Variants in DEPDC1B observed in about 807,000 individuals in gnomAD.
DEPDC1B encodes DEP domain-containing protein 1B.
In DEPDC1B, 51 loss-of-function variants were observed where a neutral mutation model predicts 66.5. That is an observed-to-expected ratio of 0.77 (90% CI 0.61 to 0.97). The LOEUF (loss-of-function observed/expected upper bound fraction) is 0.97. Ranked by LOEUF, DEPDC1B falls within the 50% of genes least tolerant of loss-of-function variation. DEPDC1B has a pLI of 0.00. For synonymous variants in DEPDC1B, 226 were observed against 223.6 expected (o/e 1.01, Z -0.10); for missense variants, 552 against 637.1 (o/e 0.87, Z 1.44).
At chr5:60,672,255 C>T (rs1026141180) in intron 2 of DEPDC1B, among the ~76,000 whole-genome samples, 24 of 152,212 alleles carry the variant, frequency 1.6e-4, no homozygotes, top group African/African-American at 5.5e-4. Flanking sequence ...GCGCAAGTTA[C>T]AGTAGACTTG....
At chr5:60,599,958 C>A (rs187710314) in intron 9 of DEPDC1B, among the ~76,000 whole-genome samples, 1 of 152,102 alleles carries the variant, frequency 6.6e-6, no homozygotes, top group African/African-American at 2.4e-5. Context: ...TCCTCTAGGG[C>A]CACTGGGTTA....
At chr5:60,643,256 C>G (rs1483640755) in intron 5 of DEPDC1B, among the ~76,000 whole-genome samples, 1 of 152,154 alleles carries the variant, frequency 6.6e-6, no homozygotes, top group African/African-American at 2.4e-5. Context: ...CAAACACCAC[C>G]AGCCCCTCAA....
intron 2 of DEPDC1B, among the ~76,000 whole-genome samples, chr5:60,669,246 C>A (rs531587923): frequency 8.1e-4 from 124 of 152,186 alleles, no homozygotes; most frequent in African/African-American, 3.0e-3. Context: ...AGTTATAAAT[C>A]TTAATAAACT....
intron 5 of DEPDC1B, among the ~76,000 whole-genome samples, chr5:60,643,095 C>A (rs957262397): frequency 9.9e-5 from 15 of 151,948 alleles, no homozygotes; most frequent in African/African-American, 3.4e-4. Flanking sequence ...CACAATGCAC[C>A]TTTTTAAAGC....
At chr5:60,654,355 G>GTT (rs543463797) in intron 2 of DEPDC1B, among the ~76,000 whole-genome samples, 2 of 139,712 alleles carry the variant, frequency 1.4e-5, no homozygotes, top group Admixed American at 7.1e-5. Context: ...GTTTTTTGGT[G>GTT]TTTTTTTTTT....
At chr5:60,623,485 CAT>C (rs1752751768) in intron 7 of DEPDC1B, among the ~76,000 whole-genome samples, 1 of 152,078 alleles carries the variant, frequency 6.6e-6, no homozygotes, top group African/African-American at 2.4e-5. Flanking sequence ...CTTTTCTCCA[CAT>C]TGTTTTGGCT....
intron 2 of DEPDC1B, among the ~76,000 whole-genome samples, chr5:60,666,483 T>C (rs1423249983): frequency 1.3e-5 from 2 of 152,094 alleles, no homozygotes; most frequent in Non-Finnish European, 2.9e-5. Context: ...TACTCTCCCC[T>C]TTTCCCTAAG....
At chr5:60,689,681 CT>C (rs201360200) in intron 1 of DEPDC1B, among the ~76,000 whole-genome samples, 26 of 147,148 alleles carry the variant, frequency 1.8e-4, no homozygotes, top group South Asian at 2.1e-4. Context: ...GATGTGATCT[CT>C]TTTTTTTTTT....
rs1561384323 is a variant in DEPDC1B at position 60,667,903 on chromosome 5, T to TTATATATATAAAAAATGGATATTTTA, written c.314+19033_314+19058dup. The stretch of plus-strand genomic sequence containing the variant: ...TACATATATGTAAAAAATGGATATT[T>TTATATATATAAAAAATGGATATTTTA]TATATATATAAAAAATGGATATTTT... On this transcript the variant is annotated intron_variant, in intron 2 of 10. Transcript: ENST00000265036. Among the ~76,000 whole-genome samples the TTATATATATAAAAAATGGATATTTTA allele has an allele frequency of 8.3e-5, 3 of 36,186 alleles. 1 individual carries two copies. Among genetic ancestry groups the TTATATATATAAAAAATGGATATTTTA allele is most frequent in the Non-Finnish European group, 1.4e-4 (2 of 14,488 alleles). The allele number at this position is 36,186 out of a possible 152,430, so 23.7% of individuals were successfully genotyped here.
rs1342350104 is a variant in DEPDC1B, at chr5:60,606,612, A to T, written c.899-756T>A. ...ACATAGTGAGAACCCATTTCTACAAAAAAAAAAAAAAAAAAAAAAAAAAAA... is the reference window on the plus strand; with the variant it reads ...ACATAGTGAGAACCCATTTCTACAATAAAAAAAAAAAAAAAAAAAAAAAAA... On this transcript the variant is annotated intron_variant, in intron 7 of 10. Coordinates refer to ENST00000265036, the MANE Select transcript of DEPDC1B (RefSeq NM_018369.3). 4.7e-5 allele frequency among the ~76,000 whole-genome samples: 5 copies of T among 105,766 alleles called. No homozygotes were observed. The East Asian group carries it at 1.1e-3, about 24-fold the overall frequency. 69.4% of individuals were successfully genotyped at this position (105,766 alleles called of 152,430 possible). A position where few individuals can be genotyped will look rare whatever the true frequency, so the allele number is the denominator to read the frequency against.
chr5:60,630,044 CTA>C (rs1185909584), intron 7 of DEPDC1B, among the ~76,000 whole-genome samples: 1 of 152,136 alleles, frequency 6.6e-6, no homozygotes, highest in Non-Finnish European at 1.5e-5. Flanking sequence ...TACATTCACC[CTA>C]TGTTTTCTTT....
chr5:60,628,734 A>C (rs985153999), intron 7 of DEPDC1B: 2 of 152,216 alleles, frequency 1.3e-5, no homozygotes, highest in Non-Finnish European at 2.9e-5. Flanking sequence ...TCCTGCATAG[A>C]GTCTCAAACT....
chr5:60,632,715 C>T (rs1326744867), intron 7 of DEPDC1B, among the ~76,000 whole-genome samples: 1 of 152,262 alleles, frequency 6.6e-6, no homozygotes, highest in Middle Eastern at 3.2e-3. Flanking sequence ...GGCAAACTAG[C>T]AGGGGTCCCT....
chr5:60,641,072 C>A (rs946968669), intron 6 of DEPDC1B, among the ~76,000 whole-genome samples: 1 of 152,186 alleles, frequency 6.6e-6, no homozygotes, highest in African/African-American at 2.4e-5. Flanking sequence ...CACTTGCCAC[C>A]TAGTATCATG....
intron 7 of DEPDC1B, among the ~76,000 whole-genome samples, chr5:60,636,124 C>T (rs1006138879): frequency 6.6e-6 from 1 of 152,176 alleles, no homozygotes. Flanking sequence ...ATCTCAATCA[C>T]CACATTCAAG....
At chr5:60,687,979 T>C (rs1754461468) in intron 1 of DEPDC1B, 2 of 154,240 alleles carry the variant, frequency 1.3e-5, no homozygotes, top group African/African-American at 4.8e-5. Flanking sequence ...ACAAAGAACA[T>C]ACAGTAAATA....
Position 60,605,843 on chromosome 5 carries a change from C to T in DEPDC1B, c.912G>A (p.Lys304=). The change falls in exon 8 of 11, where the codon AAG becomes AAA. Residue 304 remains lysine, a synonymous_variant. Transcript: ENST00000265036. ...AFVSVLGLLQ[K]EKVAVEAFQI... is the part of the protein sequence containing the mutation. ...GAAATGCTTCAACTGCCACTTTCTC[C>T]TTCTGTAACAAACCTGATTTAGAAA... 6.2e-7 allele frequency: 1 copy of T among 1,610,004 alleles called. No homozygotes were observed. The highest frequency in any genetic ancestry group is 8.5e-7 in the Non-Finnish European group (1 of 1,178,604).
chr5:60,695,645 C>T (rs1302616971), intron 1 of DEPDC1B, among the ~76,000 whole-genome samples: 1 of 152,190 alleles, frequency 6.6e-6, no homozygotes, highest in African/African-American at 2.4e-5. Context: ...AGTAACCTTA[C>T]ATATCACACT....
rs146484766 is a variant in DEPDC1B at position 60,690,794 on chromosome 5, C to T, written c.49-3567G>A. Among the ~76,000 whole-genome samples, 48 of 152,138 alleles carry T rather than the reference C, an allele frequency of 3.2e-4. No individual in the cohort carries two copies. In the East Asian group the frequency reaches 7.0e-3, roughly 22 times the overall value. ...TGCCCAACCTTGGGTCATGTTTTCC[C>T]TTCTAATCATGACTTTTCTTCCAGA... On this transcript the variant is annotated intron_variant, in intron 1 of 10. Coordinates refer to ENST00000265036, the MANE Select transcript of DEPDC1B (RefSeq NM_018369.3).
Sources: allele counts gnomAD v4.1 joint callset (sites outside exome capture counted in the v4.1 genomes callset), GRCh38; gene constraint gnomAD v4.1.1; transcripts MANE v1.5; gene names NCBI Gene and HGNC (gene_info 2026-07-23, HGNC 2026-07-21).